Variants in CERS3 observed in about 807,000 individuals in gnomAD.
CERS3 encodes the protein LAG1 homolog, ceramide synthase 3.
In CERS3, 33 loss-of-function variants were observed where a neutral mutation model predicts 50.3. The ratio of observed to expected loss-of-function variants is 0.66; its 90% CI spans 0.50 to 0.88. The LOEUF is 0.88. CERS3 is among the 40% of genes least tolerant of loss of function. CERS3 has a pLI of 0.00. For synonymous variants in CERS3, 176 were observed against 155.2 expected (o/e 1.13, Z -0.99); for missense variants, 470 against 460.3 (o/e 1.02, Z -0.19).
chr15:100,448,296 T>C (rs1346093589), intron 11 of CERS3, among the ~76,000 whole-genome samples: 1 of 151,122 alleles, frequency 6.6e-6, no homozygotes, highest in African/African-American at 2.4e-5. Context: ...AAGAGAAGAG[T>C]AGAATTCAAC....
intron 11 of CERS3, among the ~76,000 whole-genome samples, chr15:100,439,144 C>T (rs140118910): frequency 3.5e-4 from 53 of 152,200 alleles, no homozygotes; most frequent in African/African-American, 1.2e-3. Context: ...TCCATATAAG[C>T]TAGAGTTTTG....
At chr15:100,440,481 G>A (rs1032847357) in intron 11 of CERS3, among the ~76,000 whole-genome samples, 3 of 151,746 alleles carry the variant, frequency 2.0e-5, no homozygotes, top group East Asian at 3.9e-4. Flanking sequence ...CCTATAAAAC[G>A]GCCCCACCCC....
intron 11 of CERS3, among the ~76,000 whole-genome samples, chr15:100,451,307 A>G (rs2034155694): frequency 6.6e-6 from 1 of 152,234 alleles, no homozygotes; most frequent in Non-Finnish European, 1.5e-5. Flanking sequence ...CCTTGAATGT[A>G]AACAGATTAA....
chr15:100,445,627 T>C (rs562055617), intron 11 of CERS3, among the ~76,000 whole-genome samples: 25 of 152,236 alleles, frequency 1.6e-4, no homozygotes, highest in African/African-American at 5.5e-4. Context: ...CACAAAATCT[T>C]CCTTCAGCTT....
At chr15:100,476,635 T>C (rs1333285486) in intron 7 of CERS3, among the ~76,000 whole-genome samples, 1 of 152,178 alleles carries the variant, frequency 6.6e-6, no homozygotes, top group Non-Finnish European at 1.5e-5. Context: ...CATTCTAAAA[T>C]GGGACAGTAA....
intron 11 of CERS3, among the ~76,000 whole-genome samples, chr15:100,411,623 T>C (rs1235945451): frequency 6.6e-6 from 1 of 152,294 alleles, no homozygotes; most frequent in African/African-American, 2.4e-5. Flanking sequence ...AACAGGACAA[T>C]ATCTGTGTCC....
At chr15:100,413,690 G>T (rs2031666236) in intron 11 of CERS3, among the ~76,000 whole-genome samples, 1 of 145,110 alleles carries the variant, frequency 6.9e-6, no homozygotes, top group Non-Finnish European at 1.5e-5. Flanking sequence ...TGGGGAAAAA[G>T]AAACACTCAT....
At chr15:100,434,084 G>A (rs1430573053) in intron 11 of CERS3, among the ~76,000 whole-genome samples, 10 of 152,244 alleles carry the variant, frequency 6.6e-5, no homozygotes, top group Admixed American at 5.9e-4. Context: ...CCATCTAGAT[G>A]ACTCAGCAGA....
intron 1 of CERS3, among the ~76,000 whole-genome samples, chr15:100,526,311 A>G (rs1004281909): frequency 6.6e-6 from 1 of 152,190 alleles, no homozygotes. Flanking sequence ...TCTTGTGTGG[A>G]TGGCTTGGGG....
chr15:100,423,615 G>C (rs2032610032), intron 11 of CERS3, among the ~76,000 whole-genome samples: 1 of 152,242 alleles, frequency 6.6e-6, no homozygotes, highest in African/African-American at 2.4e-5. Flanking sequence ...GGAGGGTAGG[G>C]GAAAGGTGAG....
At chr15:100,491,004 T>C in intron 3 of CERS3, 73 bp from the exon 4 acceptor site, 1 of 894,452 alleles carries the variant, frequency 1.1e-6, no homozygotes, top group Non-Finnish European at 1.8e-6. Context: ...AAATTAAAGC[T>C]GTAACTTCAG....
Position 100,418,485 on chromosome 15 carries a change from G to C in CERS3, c.1000-15620C>G, listed in dbSNP as rs1024039985. 2.7e-5 allele frequency among the ~76,000 whole-genome samples: 4 copies of C among 149,136 alleles called. No individual in the cohort carries two copies. The East Asian group carries it at 7.8e-4, about 29-fold the overall frequency. ...GTACCTGAAAGTGATGGGGAAAATG[G>C]AACCAAGTTGGAAAACACTCTGCAG... On this transcript the variant is annotated intron_variant, in intron 11 of 11. Transcript: ENST00000679737.
rs141720777 is a variant in CERS3 at position 100,450,168 on chromosome 15, C to T, written c.999+5725G>A. On this transcript the variant is annotated intron_variant, in intron 11 of 11. Transcript: ENST00000679737. ...AGGTGTGGTGGCTCACTCCTGTAAT[C>T]CCAGCACTTTAGGAGGCCAAGGTGG... is the stretch of plus-strand genomic sequence containing the variant. 1.5e-4 allele frequency among the ~76,000 whole-genome samples: 23 copies of T among 152,070 alleles called. No homozygotes were observed. In the East Asian group the frequency reaches 2.5e-3, roughly 17 times the overall value.
At chr15:100,532,899 C>G (rs1373535721), upstream of CERS3, among the ~76,000 whole-genome samples, 1 of 152,126 alleles carries the variant, frequency 6.6e-6, no homozygotes, top group Non-Finnish European at 1.5e-5. Flanking sequence ...CAATACCTAC[C>G]CCGCTCAAAT....
chr15:100,425,792 G>T (rs2032774802), intron 11 of CERS3, among the ~76,000 whole-genome samples: 1 of 152,108 alleles, frequency 6.6e-6, no homozygotes, highest in Non-Finnish European at 1.5e-5. Context: ...AGAATGATAT[G>T]GTTTGGGATT....
intron 10 of CERS3, among the ~76,000 whole-genome samples, chr15:100,456,321 C>T (rs1173857874): frequency 1.3e-5 from 2 of 152,144 alleles, no homozygotes; most frequent in African/African-American, 2.4e-5. Context: ...ACCTTGGTTT[C>T]CTTTTTTCAA....
intron 2 of CERS3, among the ~76,000 whole-genome samples, chr15:100,518,627 T>C (rs1286736675): frequency 6.6e-6 from 1 of 152,348 alleles, no homozygotes; most frequent in East Asian, 1.9e-4. Context: ...TTTCACGTCA[T>C]CTCTCTGCCT....
In CERS3 at chr15:100,454,387, C is replaced by CAAAAAAAAA. The variant is rs59536958; in HGVS notation, c.999+1497_999+1505dup. Among the ~76,000 whole-genome samples the CAAAAAAAAA allele has an allele frequency of 2.6e-3, 292 of 111,312 alleles. 4 individuals carry two copies. Among genetic ancestry groups the CAAAAAAAAA allele is most frequent in the East Asian group, 8.2e-3 (28 of 3,404 alleles). The allele number at this position is 111,312 out of a possible 152,430, so 73.0% of individuals were successfully genotyped here. A position where few individuals can be genotyped will look rare whatever the true frequency, so the allele number is the denominator to read the frequency against. On this transcript the variant is annotated intron_variant, in intron 11 of 11. Transcript: ENST00000679737. ...CCTTGAAGACAGAGCAAGGCATTGT[C>CAAAAAAAAA]AAAAAAAAAAAAAAAAGATACCAAT... is the stretch of plus-strand genomic sequence containing the variant.
At chr15:100,531,631 A>G (rs2036941311), upstream of CERS3, among the ~76,000 whole-genome samples, 3 of 152,218 alleles carry the variant, frequency 2.0e-5, no homozygotes, top group African/African-American at 7.2e-5. Context: ...GTGCCTCACC[A>G]TAAATGTATC....
Sources: allele counts gnomAD v4.1 joint callset (sites outside exome capture counted in the v4.1 genomes callset), GRCh38; gene constraint gnomAD v4.1.1; transcripts MANE v1.5; gene names NCBI Gene and HGNC (gene_info 2026-07-23, HGNC 2026-07-21).